Variants in PTPRR observed in about 807,000 individuals in gnomAD.
PTPRR encodes protein tyrosine phosphatase receptor type R, also known as receptor-type tyrosine-protein phosphatase R.
In PTPRR, 38 loss-of-function variants were observed where a neutral mutation model predicts 77.2. The observed-to-expected ratio is 0.49, with a 90% CI of 0.38 to 0.65. The LOEUF (loss-of-function observed/expected upper bound fraction) is 0.65. Among genes scored for constraint, PTPRR ranks in the 30% least tolerant of loss-of-function variants. The probability of loss-of-function intolerance (pLI) is 0.00; values close to 1 mark genes in which losing one functional copy is unlikely to be tolerated. For synonymous variants in PTPRR, 299 were observed against 283.1 expected, an observed-to-expected ratio of 1.06 and a Z score of -0.57; for missense variants, 744 against 799.2, an observed-to-expected ratio of 0.93 and a Z score of 0.83.
At chr12:70,776,546 C>G (rs1278551969) in intron 2 of PTPRR, among the ~76,000 whole-genome samples, 1 of 152,078 alleles carries the variant, frequency 6.6e-6, no homozygotes, top group African/African-American at 2.4e-5. Context: ...TTGCCCTGTC[C>G]TTCCAGTCTT....
At chr12:70,702,543 G>A (rs1888466032) in intron 6 of PTPRR, among the ~76,000 whole-genome samples, 2 of 152,108 alleles carry the variant, frequency 1.3e-5, no homozygotes, top group South Asian at 4.1e-4. Flanking sequence ...TATTACAGTG[G>A]CTTGAGCTTA....
chr12:70,895,446 T>C (rs758315653), intron 1 of PTPRR, among the ~76,000 whole-genome samples: 4 of 151,494 alleles, frequency 2.6e-5, no homozygotes, highest in Non-Finnish European at 4.4e-5. Context: ...TGAAGCGCAA[T>C]TGAAACACAA....
intron 2 of PTPRR, among the ~76,000 whole-genome samples, chr12:70,884,871 CAAAAA>C (rs529547383): frequency 1.9e-5 from 1 of 53,930 alleles, no homozygotes; most frequent in Non-Finnish European, 3.0e-5. Context: ...AACTCTGTCT[CAAAAA>C]AAAAAAAAAA....
chr12:70,780,920 G>A (rs1318496672), intron 2 of PTPRR, among the ~76,000 whole-genome samples: 3 of 152,158 alleles, frequency 2.0e-5, no homozygotes, highest in African/African-American at 4.8e-5. Flanking sequence ...CATATAATCT[G>A]GTCTGTTCTT....
At position 70,742,774 on chromosome 12, in the gene PTPRR, T is replaced by C. The variant is rs181255596; in HGVS notation, c.1007+3044A>G. On this transcript the variant is annotated intron_variant, in intron 6 of 13. Transcript: ENST00000283228. The stretch of plus-strand genomic sequence containing the variant: ...TCCTGAGTTCTCAGTGGGATTGGGG[T>C]TGGACGGGGGAAACAGTTGGGAGAA... Among the ~76,000 whole-genome samples, 31 of 152,066 alleles carry C rather than the reference T, an allele frequency of 2.0e-4. No homozygotes were observed. The East Asian group carries it at 6.0e-3, about 29-fold the overall frequency.
chr12:70,873,086 T>C (rs1258070839), intron 2 of PTPRR, among the ~76,000 whole-genome samples: 2 of 152,328 alleles, frequency 1.3e-5, no homozygotes, highest in African/African-American at 4.8e-5. Flanking sequence ...TCTGATGAGC[T>C]TCCTGTCTCA....
At chr12:70,858,774 CA>C (rs1330156489) in intron 2 of PTPRR, among the ~76,000 whole-genome samples, 3 of 152,020 alleles carry the variant, frequency 2.0e-5, no homozygotes, top group Non-Finnish European at 4.4e-5. Flanking sequence ...AAAGGCTACT[CA>C]ATGTTGCTGG....
intron 8 of PTPRR, among the ~76,000 whole-genome samples, chr12:70,696,596 T>C (rs1162801665): frequency 6.6e-6 from 1 of 152,194 alleles, no homozygotes; most frequent in Non-Finnish European, 1.5e-5. Context: ...CAACATTTTT[T>C]TGGTAATAGT....
At chr12:70,834,687 T>C (rs1290046736) in intron 2 of PTPRR, among the ~76,000 whole-genome samples, 3 of 152,180 alleles carry the variant, frequency 2.0e-5, no homozygotes, top group African/African-American at 4.8e-5. Context: ...TATGTAATTA[T>C]TGAATAGTAG....
chr12:70,837,444 A>G (rs1292433830), intron 2 of PTPRR, among the ~76,000 whole-genome samples: 2 of 152,134 alleles, frequency 1.3e-5, no homozygotes, highest in Non-Finnish European at 2.9e-5. Context: ...TTCTTCTACC[A>G]CATTCTTACA....
chr12:70,899,135 C>T (rs933735376), intron 1 of PTPRR, among the ~76,000 whole-genome samples: 1 of 151,226 alleles, frequency 6.6e-6, no homozygotes, highest in Non-Finnish European at 1.5e-5. Flanking sequence ...AAAATGTCTA[C>T]CAAACACTTA....
At chr12:70,763,843 CT>C (rs199858347) in intron 3 of PTPRR, among the ~76,000 whole-genome samples, 6 of 151,168 alleles carry the variant, frequency 4.0e-5, no homozygotes, top group African/African-American at 1.2e-4. Flanking sequence ...TCTGAATTTA[CT>C]TTTTTTTTGG....
At position 70,651,664 on chromosome 12, in the gene PTPRR, C is replaced by T. The variant is rs181667873; in HGVS notation, c.1880+5040G>A. Among the ~76,000 whole-genome samples the T allele has an allele frequency of 6.2e-4, 94 of 152,250 alleles. 1 individual carries two copies. The East Asian group carries it at 0.016, about 26-fold the overall frequency. ...TGCCCAGGGTGGGTGGCCTCGAACT[C>T]CTGGGCTCATTTGTTTAAAATGGCA... On this transcript the variant is annotated intron_variant, in intron 13 of 13. Transcript: ENST00000283228.
chr12:70,919,638 C>G (rs1212250423), intron 1 of PTPRR, among the ~76,000 whole-genome samples: 1 of 148,818 alleles, frequency 6.7e-6, no homozygotes. Context: ...AGGGACAGTG[C>G]CTAACCCAGG....
intron 1 of PTPRR, among the ~76,000 whole-genome samples, chr12:70,903,221 T>C (rs1893569246): frequency 6.6e-6 from 1 of 151,834 alleles, no homozygotes; most frequent in Non-Finnish European, 1.5e-5. Context: ...ATTTATTGTG[T>C]ATTTCAAAAT....
At chr12:70,821,747 C>T (rs1045956145) in intron 2 of PTPRR, among the ~76,000 whole-genome samples, 4 of 151,816 alleles carry the variant, frequency 2.6e-5, no homozygotes, top group African/African-American at 9.7e-5. Context: ...CCACTGCAAG[C>T]TCCGCCTCCT....
chr12:70,639,207 G>T lies in PTPRR; in HGVS notation c.1951C>A (p.Leu651Ile). ...ACTCACTGGACAGTCTCTGCTGAAAGTCTGCTCTCATACAGGCACAGAGCA... is the reference window on the plus strand; with the variant it reads ...ACTCACTGGACAGTCTCTGCTGAAATTCTGCTCTCATACAGGCACAGAGCA... ...HHALCLYESRLSAETVQ is the reference protein window; with the variant it reads ...HHALCLYESRISAETVQ Residue 651 changes from leucine to isoleucine, a missense_variant, in exon 14 of 14, where the codon CTT becomes ATT. By Grantham distance (5) the Leu-to-Ile change is conservative (BLOSUM62 2). Around this residue, in one of 3 missense-constraint regions of PTPRR, gnomAD observed 170 missense variants for 209.8 expected, o/e 0.81. Transcript: ENST00000283228. 1.2e-6 allele frequency: 2 copies of T among 1,613,328 alleles called. No homozygotes were observed. Among genetic ancestry groups the T allele is most frequent in the African/African-American group, 2.7e-5 (2 of 75,048 alleles).
intron 10 of PTPRR, chr12:70,672,905 C>T (rs778841489): frequency 3.9e-6 from 6 of 1,540,488 alleles, no homozygotes; most frequent in African/African-American, 1.4e-5. Context: ...GGCATCTGCT[C>T]CCACTCAGCT....
chr12:70,671,587 A>T (rs1887226179), intron 10 of PTPRR, among the ~76,000 whole-genome samples: 1 of 152,232 alleles, frequency 6.6e-6, no homozygotes, highest in Non-Finnish European at 1.5e-5. Context: ...GTTAAAAAAA[A>T]TTCTAGCTTT....
Sources: gnomAD v4.1 joint callset for allele counts (sites outside exome capture counted in the v4.1 genomes callset) on GRCh38, gnomAD v4.1.1 for gene constraint, gnomAD v4.1.1 regional missense constraint, MANE v1.5 for transcripts, NCBI Gene and HGNC (gene_info 2026-07-23, HGNC 2026-07-21) for gene names.